CX3CL1: variants seen among roughly 807,000 people sequenced by gnomAD.
The protein encoded by CX3CL1 is C-X3-C motif chemokine ligand 1.
In CX3CL1, 1 loss-of-function variant was observed where a neutral mutation model predicts 14.1. The observed-to-expected ratio is 0.07, with a 90% CI of 0.03 to 0.34. The LOEUF is 0.34. Ranked by LOEUF, CX3CL1 falls within the 10% of genes least tolerant of loss-of-function variation. The pLI is 0.99. For missense variants in CX3CL1, 505 were observed against 536.4 expected (o/e 0.94, Z 0.58); for synonymous variants, 255 against 229.6 (o/e 1.11, Z -1.00).
rs767842946 is a variant in CX3CL1 at position 57,382,504 on chromosome 16, G to A, written c.666G>A (p.Gln222=). Residue 222 remains glutamine, a synonymous_variant, in exon 3 of 3, where the codon CAG becomes CAA. Transcript: ENST00000006053. This position sits in a 1 kb window ranked among gnomAD's most constrained non-coding sequence, Gnocchi z 6.9. ...AGACCTCTGAGGCCCCGTCCACCCA[G>A]GACCCCTCCACCCAGGCCTCCACTG... ...EAKTSEAPST[Q]DPSTQASTAS... The A allele has an allele frequency of 2.5e-6, 4 of 1,613,166 alleles. No individual in the cohort carries two copies. Among genetic ancestry groups the A allele is most frequent in the East Asian group, 2.2e-5 (1 of 44,876 alleles).
At chr16:57,381,119 G>A (rs187084873) in intron 2 of CX3CL1, among the ~76,000 whole-genome samples, 3 of 152,294 alleles carry the variant, frequency 2.0e-5, no homozygotes, top group African/African-American at 4.8e-5. Context: ...CTGGTTTCCC[G>A]GCATCCTGGA....
At position 57,381,978 on chromosome 16, in the gene CX3CL1, C is replaced by G. The variant is rs1902325658; in HGVS notation, c.192-52C>G. ...TGCTGTGCCCCCACACCACGCTGGCCCGGGTTTCTGGTATCTGGGCATAAC... is the reference window on the plus strand; with the variant it reads ...TGCTGTGCCCCCACACCACGCTGGCGCGGGTTTCTGGTATCTGGGCATAAC... On this transcript the variant is annotated intron_variant, in intron 2 of 2. Transcript: ENST00000006053. The G allele has an allele frequency of 3.3e-6, 5 of 1,525,946 alleles. No individual in the cohort carries two copies. The East Asian group carries it at 1.1e-4, about 35-fold the overall frequency. The allele number at this position is 1,525,946 out of a possible 1,614,324, so 94.5% of individuals were successfully genotyped here.
intron 1 of CX3CL1, chr16:57,378,848 AC>A: frequency 6.8e-6 from 1 of 146,652 alleles, no homozygotes; most frequent in East Asian, 2.1e-4. Flanking sequence ...ACAGAACAAG[AC>A]CCTATCTCTT....
In CX3CL1 at chr16:57,382,731, G is replaced by T; in HGVS notation, c.893G>T (p.Ser298Ile). ...VVPVSSEGTP[S>I]REPVASGSWT... ...CCTGTCTCCTCAGAAGGGACCCCCA[G>T]CAGGGAGCCAGTGGCTTCAGGCAGC... The change falls in exon 3 of 3, where the codon AGC becomes ATC. Residue 298 changes from serine (S) to isoleucine (I), a missense_variant. Ser to Ile is a moderately radical substitution (Grantham distance 142). Coordinates refer to ENST00000006053, the MANE Select transcript of CX3CL1 (RefSeq NM_002996.6). This position sits in a 1 kb window ranked among gnomAD's most constrained non-coding sequence, Gnocchi z 6.9. The T allele has an allele frequency of 1.2e-6, 2 of 1,612,870 alleles. No homozygotes were observed. Among genetic ancestry groups the T allele is most frequent in the Non-Finnish European group, 1.7e-6 (2 of 1,179,704 alleles).
chr16:57,373,961 G>A (rs1171722051), intron 1 of CX3CL1, among the ~76,000 whole-genome samples: 2 of 152,116 alleles, frequency 1.3e-5, no homozygotes, highest in Non-Finnish European at 2.9e-5. Flanking sequence ...GAGAGGGAAG[G>A]GTCCTAGGCT....
intron 1 of CX3CL1, chr16:57,378,124 C>T (rs1902269071): frequency 6.6e-6 from 1 of 152,290 alleles, no homozygotes; most frequent in African/African-American, 2.4e-5. Flanking sequence ...ATGCCTCTTC[C>T]CTCCTAGGCA....
Position 57,382,192 on chromosome 16 carries a change from C to G in CX3CL1, c.354C>G (p.Ala118=). 6.2e-7 allele frequency: 1 copy of G among 1,613,480 alleles called. No individual in the cohort carries two copies. Among genetic ancestry groups the G allele is most frequent in the Non-Finnish European group, 8.5e-7 (1 of 1,179,830 alleles). The change falls in exon 3 of 3, where the codon GCC becomes GCG. Residue 118 remains alanine, a synonymous_variant. Coordinates refer to ENST00000006053, the MANE Select transcript of CX3CL1 (RefSeq NM_002996.6). This position sits in a 1 kb window ranked among gnomAD's most constrained non-coding sequence, Gnocchi z 6.9. ...TGAAGCCCAGGACCACCCCTGCCGC[C>G]GGGGGAATGGACGAGTCTGTGGTCC... ...GEVKPRTTPA[A]GGMDESVVLE...
At chr16:57,379,529 G>T in intron 1 of CX3CL1, 105 bp from the exon 2 acceptor site, 1 of 1,439,796 alleles carries the variant, frequency 6.9e-7, no homozygotes, top group Non-Finnish European at 9.5e-7. Flanking sequence ...GGTGTACAGG[G>T]GATCAGTTTT....
intron 1 of CX3CL1, among the ~76,000 whole-genome samples, chr16:57,375,954 C>T (rs1443033682): frequency 1.3e-5 from 2 of 152,144 alleles, no homozygotes; most frequent in Non-Finnish European, 2.9e-5. Context: ...CTAGCTCTGC[C>T]ACCATGCAGC....
chr16:57,381,995 G>T, intron 2 of CX3CL1, 35 bp from the exon 3 acceptor site: 1 of 1,544,344 alleles, frequency 6.5e-7, no homozygotes, highest in South Asian at 1.2e-5. Flanking sequence ...TCTGGTATCT[G>T]GGCATAACCG....
Position 57,382,397 on chromosome 16 carries a change from C to T in CX3CL1, c.559C>T (p.Arg187Ter). The change falls in exon 3 of 3, where the codon CGA (arginine) becomes TGA (stop). Residue 187 changes from arginine to a stop codon, truncating the protein, a stop_gained. Coordinates refer to ENST00000006053, the MANE Select transcript of CX3CL1 (RefSeq NM_002996.6). LOFTEE classifies it low-confidence loss of function (END_TRUNC). This position sits in a 1 kb window ranked among gnomAD's most constrained non-coding sequence, Gnocchi z 6.9. ...AGGGCCTGTGGGCACGGAGCTTTTC[C>T]GAGTGCCTCCCGTCTCCACTGCCGC... ...DGGPVGTELF[R>*]VPPVSTAATW... is the part of the protein sequence containing the mutation. 2 of 1,612,138 alleles carry T rather than the reference C, an allele frequency of 1.2e-6. No individual in the cohort carries two copies. The highest frequency in any genetic ancestry group is 8.5e-7 in the Non-Finnish European group (1 of 1,179,962).
At chr16:57,381,647 C>T (rs1042853861) in intron 2 of CX3CL1, among the ~76,000 whole-genome samples, 5 of 152,140 alleles carry the variant, frequency 3.3e-5, no homozygotes, top group Non-Finnish European at 5.9e-5. Context: ...CTACTCTGAG[C>T]TGGGTGCTTC....
chr16:57,380,043 G>A (rs1257735500), intron 2 of CX3CL1, among the ~76,000 whole-genome samples: 4 of 152,182 alleles, frequency 2.6e-5, no homozygotes, highest in African/African-American at 9.7e-5. Flanking sequence ...CTCCTGGGCT[G>A]AAGCACATGT....
chr16:57,382,665 A>G lies in CX3CL1; in HGVS notation c.827A>G (p.Gln276Arg). The change falls in exon 3 of 3, where the codon CAG becomes CGG. Residue 276 changes from glutamine (Q) to arginine (R), a missense_variant. Physicochemically the swap from Gln to Arg is conservative, Grantham distance 43. Transcript: ENST00000006053. This position sits in a 1 kb window ranked among gnomAD's most constrained non-coding sequence, Gnocchi z 6.9. Reference sequence around the variant, plus strand: ...GTGCCAGCGCACACGGATGCCTTCCAGGACTGGGGGCCTGGCAGCATGGCC... The same window carrying G: ...GTGCCAGCGCACACGGATGCCTTCCGGGACTGGGGGCCTGGCAGCATGGCC... Reference protein sequence around the residue: ...GPVPAHTDAFQDWGPGSMAHV... With the variant: ...GPVPAHTDAFRDWGPGSMAHV... 1 of 1,612,728 alleles carries G rather than the reference A, an allele frequency of 6.2e-7. No homozygotes were observed.
intron 1 of CX3CL1, among the ~76,000 whole-genome samples, chr16:57,374,611 A>G (rs1360711115): frequency 6.6e-6 from 1 of 152,180 alleles, no homozygotes; most frequent in Non-Finnish European, 1.5e-5. Flanking sequence ...TGGTTAAGGT[A>G]TTATGCCACA....
chr16:57,379,450 G>A (rs1902289059), intron 1 of CX3CL1, 184 bp from the exon 2 acceptor site: 1 of 585,808 alleles, frequency 1.7e-6, no homozygotes, highest in Non-Finnish European at 3.0e-6. Flanking sequence ...CTATTTTACA[G>A]GTGGGGAAAC....
chr16:57,380,350 G>A (rs1413337500), intron 2 of CX3CL1, among the ~76,000 whole-genome samples: 1 of 152,164 alleles, frequency 6.6e-6, no homozygotes, highest in African/African-American at 2.4e-5. Context: ...TTGAGGCCAG[G>A]AGTTCAAGAC....
At chr16:57,381,578 C>CCCCT (rs1902320036) in intron 2 of CX3CL1, among the ~76,000 whole-genome samples, 1 of 152,024 alleles carries the variant, frequency 6.6e-6, no homozygotes, top group Admixed American at 6.6e-5. Flanking sequence ...AGCCCAGAGC[C>CCCCT]CCCTGCCTTA....
chr16:57,375,507 G>T (rs1344690312), intron 1 of CX3CL1, among the ~76,000 whole-genome samples: 1 of 152,228 alleles, frequency 6.6e-6, no homozygotes, highest in East Asian at 1.9e-4. Flanking sequence ...AATGTCAGTA[G>T]TGTCACTGTT....
Sources: allele counts gnomAD v4.1 joint callset (sites outside exome capture counted in the v4.1 genomes callset), GRCh38; gene constraint gnomAD v4.1.1; non-coding constraint Gnocchi (gnomAD v3.1); transcripts MANE v1.5; gene names NCBI Gene and HGNC (gene_info 2026-07-23, HGNC 2026-07-21).